Variants in WDR59 observed in about 807,000 individuals in gnomAD.
The protein encoded by WDR59 is GATOR2 complex protein WDR59.
In WDR59, 100 loss-of-function variants were observed where a neutral mutation model predicts 131.2. The observed-to-expected ratio is 0.76, with a 90% CI of 0.65 to 0.90. WDR59 has a LOEUF of 0.90. Among genes scored for constraint, WDR59 ranks in the 40% least tolerant of loss-of-function variants. The pLI is 0.00. For synonymous variants in WDR59, 601 were observed against 466.2 expected, an observed-to-expected ratio of 1.29 and a Z score of -3.72; for missense variants, 1,203 against 1,262.2, an observed-to-expected ratio of 0.95 and a Z score of 0.71.
chr16:74,886,467 A>G (rs535025321), intron 23 of WDR59, 71 bp from the exon 24 acceptor site: 3 of 1,566,566 alleles, frequency 1.9e-6, no homozygotes, highest in Admixed American at 1.9e-5. Flanking sequence ...AGAGTCTCAT[A>G]AGACAGCACG....
At chr16:74,981,660 A>AT (rs1181233727) in intron 1 of WDR59, among the ~76,000 whole-genome samples, 3 of 80,864 alleles carry the variant, frequency 3.7e-5, no homozygotes, top group African/African-American at 2.2e-4. Context: ...ATATATATAT[A>AT]TTTTTTTTTT....
At chr16:74,920,032 G>A (rs2030022599) in intron 10 of WDR59, among the ~76,000 whole-genome samples, 1 of 149,018 alleles carries the variant, frequency 6.7e-6, no homozygotes, top group Non-Finnish European at 1.5e-5. Flanking sequence ...GCTCGTGCCT[G>A]CACGCTAGCC....
intron 18 of WDR59, among the ~76,000 whole-genome samples, chr16:74,902,357 C>T (rs879620338): frequency 2.6e-5 from 4 of 152,180 alleles, no homozygotes; most frequent in African/African-American, 4.8e-5. Flanking sequence ...CTCCACTCCC[C>T]TGCAGATACT....
Position 74,886,393 on chromosome 16 carries a change from C to G in WDR59, c.2423G>C (p.Gly808Ala). 1 of 1,611,792 alleles carries G rather than the reference C, an allele frequency of 6.2e-7. No homozygotes were observed. The highest frequency in any genetic ancestry group is 8.5e-7 in the Non-Finnish European group (1 of 1,179,504). The change falls in exon 24 of 26, where the codon GGA (glycine) becomes GCA (alanine). Residue 808 changes from glycine to alanine, a missense_variant. Gly to Ala is a moderately conservative substitution (Grantham distance 60). Transcript: ENST00000262144. ...GLNTGGWNIA[G>A]REAEHLSSPW... The stretch of plus-strand genomic sequence containing the variant: ...GGAGGACAAGTGCTCTGCCTCTCTT[C>G]CCGCTGAAGAAAATCAAATGGGAAG...
rs756443042 is a variant in WDR59, at chr16:74,923,987, T to C, written c.668A>G (p.Gln223Arg). The C allele has an allele frequency of 1.9e-6, 3 of 1,613,648 alleles. No homozygotes were observed. The South Asian group carries it at 3.3e-5, about 18-fold the overall frequency. Residue 223 changes from glutamine (Q) to arginine (R), a missense_variant, in exon 9 of 26, where the codon CAG (glutamine) becomes CGG (arginine). Coordinates refer to ENST00000262144, the MANE Select transcript of WDR59 (RefSeq NM_030581.4). ...DNSVKFWDYRQPRKYLNILPC... is the reference protein window; with the variant it reads ...DNSVKFWDYRRPRKYLNILPC... ...AAGAATATTGAGGTATTTCCGAGGCTGGCGGTAATCCCAGAACTAGAAGAG... is the reference window on the plus strand; with the variant it reads ...AAGAATATTGAGGTATTTCCGAGGCCGGCGGTAATCCCAGAACTAGAAGAG...
intron 1 of WDR59, among the ~76,000 whole-genome samples, chr16:74,978,280 C>T (rs772561778): frequency 4.9e-4 from 70 of 142,258 alleles, no homozygotes; most frequent in Non-Finnish European, 9.0e-4. Flanking sequence ...CGAGATCGTG[C>T]GACTGCACTC....
At chr16:74,955,435 GA>G (rs1406904696) in intron 3 of WDR59, among the ~76,000 whole-genome samples, 2 of 152,106 alleles carry the variant, frequency 1.3e-5, no homozygotes, top group African/African-American at 4.8e-5. Flanking sequence ...GGCCGAGGGT[GA>G]GAGGGAAATA....
chr16:74,929,639 A>G (rs1345187144), intron 8 of WDR59, among the ~76,000 whole-genome samples: 1 of 152,180 alleles, frequency 6.6e-6, no homozygotes, highest in Non-Finnish European at 1.5e-5. Context: ...CAAAAAACAA[A>G]GAATAGAACT....
rs746574195 is a variant in WDR59 at position 74,970,495 on chromosome 16, C to CAAAAAAAAAAAAAAAAAAAA, written c.55-4693_55-4674dup. Reference sequence around the variant, plus strand: ...GGGTGACAGAGAGAGACTCTGTCTCCAAAAAAAAAAAAAAAAAAAAAAAAA... The same window carrying CAAAAAAAAAAAAAAAAAAAA: ...GGGTGACAGAGAGAGACTCTGTCTCCAAAAAAAAAAAAAAAAAAAAAAAAAAAAAAAAAAAAAAAAAAAAA... On this transcript the variant is annotated intron_variant, in intron 1 of 25. Coordinates refer to ENST00000262144, the MANE Select transcript of WDR59 (RefSeq NM_030581.4). 7.8e-4 allele frequency among the ~76,000 whole-genome samples: 26 copies of CAAAAAAAAAAAAAAAAAAAA among 33,402 alleles called. 4 individuals are homozygous for CAAAAAAAAAAAAAAAAAAAA. Among genetic ancestry groups the CAAAAAAAAAAAAAAAAAAAA allele is most frequent in the Non-Finnish European group, 1.3e-3 (20 of 15,666 alleles). The allele number at this position is 33,402 out of a possible 152,430, so 21.9% of individuals were successfully genotyped here.
chr16:74,922,369 G>A (rs1421436582), intron 9 of WDR59, among the ~76,000 whole-genome samples: 1 of 152,126 alleles, frequency 6.6e-6, no homozygotes, highest in African/African-American at 2.4e-5. Flanking sequence ...TAAGCAAATG[G>A]TACTGATTGC....
chr16:74,959,309 C>A (rs867296067), intron 2 of WDR59: 6 of 274,746 alleles, frequency 2.2e-5, no homozygotes, highest in Middle Eastern at 1.2e-3. Context: ...ACTCTGCAGA[C>A]AATGACATTT....
At chr16:74,881,451 C>A (rs190822303) in intron 25 of WDR59, among the ~76,000 whole-genome samples, 158 of 152,124 alleles carry the variant, frequency 1.0e-3, no homozygotes, top group African/African-American at 3.8e-3. Flanking sequence ...TTCAGTCTCC[C>A]AAAGTGTTGG....
chr16:74,886,662 G>C (rs1964779675), intron 23 of WDR59, among the ~76,000 whole-genome samples: 1 of 152,188 alleles, frequency 6.6e-6, no homozygotes, highest in Non-Finnish European at 1.5e-5. Flanking sequence ...GCTCATGCCT[G>C]GAATCCCAGC....
At chr16:74,956,331 C>T (rs1567430558) in intron 3 of WDR59, 144 bp downstream of exon 3, 2 of 1,109,814 alleles carry the variant, frequency 1.8e-6, no homozygotes, top group South Asian at 2.3e-5. Flanking sequence ...CGTAACTTGC[C>T]TCTGTCTTTT....
chr16:74,970,814 A>C (rs2033953474), intron 1 of WDR59, among the ~76,000 whole-genome samples: 2 of 151,970 alleles, frequency 1.3e-5, no homozygotes, highest in Admixed American at 6.6e-5. Flanking sequence ...GACTTTGGGA[A>C]GCCAACGCAG....
At chr16:74,922,463 A>G (rs2030339857) in intron 9 of WDR59, among the ~76,000 whole-genome samples, 1 of 152,224 alleles carries the variant, frequency 6.6e-6, no homozygotes, top group African/African-American at 2.4e-5. Flanking sequence ...TCCCAGAATG[A>G]GCATGCAGGG....
chr16:74,910,891 G>A (rs1273705137), intron 14 of WDR59, among the ~76,000 whole-genome samples: 1 of 152,102 alleles, frequency 6.6e-6, no homozygotes, highest in Non-Finnish European at 1.5e-5. Context: ...TCCTGCCTCA[G>A]CAGTCTCTGT....
Position 74,908,901 on chromosome 16 carries a change from G to C in WDR59, c.1712+7C>G. ...CGTAGAGCGGCTTCTGCATCTCCCT[G>C]ACTCACCTCGGAGTAGGCTCTGTGG... is the stretch of plus-strand genomic sequence containing the variant. On this transcript the variant is annotated splice_region_variant and intron_variant, in intron 17 of 25. Coordinates refer to ENST00000262144, the MANE Select transcript of WDR59 (RefSeq NM_030581.4). 1 of 1,613,572 alleles carries C rather than the reference G, an allele frequency of 6.2e-7. No homozygotes were observed. Among genetic ancestry groups the C allele is most frequent in the Non-Finnish European group, 8.5e-7 (1 of 1,179,640 alleles).
chr16:74,941,082 T>G (rs2032183126), intron 7 of WDR59, among the ~76,000 whole-genome samples: 1 of 151,634 alleles, frequency 6.6e-6, no homozygotes. Flanking sequence ...CAGTGGCTCA[T>G]GTCTGTAATC....
Sources: gnomAD v4.1 joint callset for allele counts (sites outside exome capture counted in the v4.1 genomes callset) on GRCh38, gnomAD v4.1.1 for gene constraint, MANE v1.5 for transcripts, NCBI Gene and HGNC (gene_info 2026-07-23, HGNC 2026-07-21) for gene names.